Variants in SLC6A6 observed in about 807,000 individuals in gnomAD.
The protein encoded by SLC6A6 is sodium- and chloride-dependent taurine transporter.
Under a neutral mutation model 68.8 loss-of-function variants are expected in SLC6A6, and 16 were observed. The observed-to-expected ratio is 0.23, with a 90% CI of 0.16 to 0.35. The LOEUF (loss-of-function observed/expected upper bound fraction) is 0.35, where lower values mean the gene tolerates loss of function less well. Among genes scored for constraint, SLC6A6 ranks in the 10% least tolerant of loss-of-function variants. The pLI is 1.00. For missense variants in SLC6A6, 474 were observed against 802.8 expected (o/e 0.59, Z 4.95); for synonymous variants, 312 against 315.4 (o/e 0.99, Z 0.12).
chr3:14,480,490 T>C (rs1309293060), intron 13 of SLC6A6, among the ~76,000 whole-genome samples: 1 of 152,168 alleles, frequency 6.6e-6, no homozygotes, highest in African/African-American at 2.4e-5. Flanking sequence ...AAGCTCCTCC[T>C]GCTTGGGAGG....
chr3:14,482,343 C>T (rs1051074824), intron 14 of SLC6A6, among the ~76,000 whole-genome samples: 7 of 152,188 alleles, frequency 4.6e-5, no homozygotes, highest in South Asian at 2.1e-4. Flanking sequence ...GGGTCTTCTC[C>T]GGATCTGTGG....
intron 2 of SLC6A6, among the ~76,000 whole-genome samples, chr3:14,422,546 C>G (rs976060013): frequency 1.3e-5 from 2 of 152,118 alleles, no homozygotes; most frequent in Non-Finnish European, 2.9e-5. Flanking sequence ...AGCATAGGGC[C>G]GGTGTCCAGG....
intron 6 of SLC6A6, among the ~76,000 whole-genome samples, chr3:14,459,690 A>G (rs749481076): frequency 1.3e-5 from 2 of 152,066 alleles, no homozygotes; most frequent in African/African-American, 2.4e-5. Context: ...CAAGCACACC[A>G]TTTTATTCCT....
At chr3:14,460,402 G>A (rs191035066) in intron 6 of SLC6A6, among the ~76,000 whole-genome samples, 4 of 152,164 alleles carry the variant, frequency 2.6e-5, no homozygotes, top group African/African-American at 7.2e-5. Context: ...GAATAGGGTG[G>A]CCAGGCAAGA....
chr3:14,483,495 C>T (rs532267897), intron 14 of SLC6A6, among the ~76,000 whole-genome samples: 1 of 152,256 alleles, frequency 6.6e-6, no homozygotes, highest in Admixed American at 6.5e-5. Context: ...GTTTGACTCT[C>T]CTCCGCCCTC....
At position 14,468,083 on chromosome 3, in the gene SLC6A6, C is replaced by T; in HGVS notation, c.972-5C>T. The T allele has an allele frequency of 6.2e-7, 1 of 1,614,178 alleles. No homozygotes were observed. Among genetic ancestry groups the T allele is most frequent in the Non-Finnish European group, 8.5e-7 (1 of 1,180,042 alleles). On this transcript the variant is annotated splice_polypyrimidine_tract_variant and splice_region_variant and intron_variant, in intron 8 of 14. Transcript: ENST00000622186. This position sits in a 1 kb window ranked among gnomAD's most constrained non-coding sequence, Gnocchi z 4.5. ...AACTTGCTCCCTGACATATGTGTAACTTAGGGACTGTATGCTGCTGGGATG... is the reference window on the plus strand; with the variant it reads ...AACTTGCTCCCTGACATATGTGTAATTTAGGGACTGTATGCTGCTGGGATG...
chr3:14,405,252 G>A (rs1699080741), intron 1 of SLC6A6, among the ~76,000 whole-genome samples: 2 of 152,122 alleles, frequency 1.3e-5, no homozygotes, highest in Non-Finnish European at 2.9e-5. Context: ...TCCCTTCCTT[G>A]TGCCTTCCCC....
In SLC6A6 at chr3:14,423,148, TG is replaced by T. The variant is rs572061976; in HGVS notation, c.-12+6696del. ...TAATGGGCATTTGCTTTGGAAAAAC[TG>T]TAGAGGAACCCAGAGGACTTCAAAA... On this transcript the variant is annotated intron_variant, in intron 2 of 14. Transcript: ENST00000622186. Among the ~76,000 whole-genome samples the T allele has an allele frequency of 3.0e-3, 454 of 152,292 alleles. 2 individuals are homozygous for T. Among genetic ancestry groups the T allele is most frequent in the African/African-American group, 0.011 (437 of 41,562 alleles).
intron 7 of SLC6A6, 139 bp from the exon 8 acceptor site, chr3:14,467,714 G>C: frequency 1.6e-6 from 1 of 609,544 alleles, no homozygotes; most frequent in Non-Finnish European, 2.9e-6. Flanking sequence ...CCTTGGATTC[G>C]AGCATAAATG....
chr3:14,403,407 G>T (rs1319222065), intron 1 of SLC6A6, among the ~76,000 whole-genome samples: 2 of 152,150 alleles, frequency 1.3e-5, no homozygotes, highest in Non-Finnish European at 2.9e-5. Flanking sequence ...CTAGGTGCAC[G>T]TGCGTGTCCC....
chr3:14,472,478 A>AAAAGCT lies in SLC6A6; in HGVS notation c.1209+162_1209+167dup, dbSNP rs1379717609. 2.0e-5 allele frequency among the ~76,000 whole-genome samples: 3 copies of AAAAGCT among 152,196 alleles called. No homozygotes were observed. The highest frequency in any genetic ancestry group is 4.4e-5 in the Non-Finnish European group (3 of 68,034). ...GTTCCTCCAGGACACCAGGAATAGA[A>AAAAGCT]AAAGCTCTGCGTCCCCAGAAAGTGC... On this transcript the variant is annotated intron_variant, in intron 10 of 14. Transcript: ENST00000622186. The surrounding 1 kb of genome is among the most constrained non-coding windows in gnomAD (Gnocchi z 4.5).
intron 13 of SLC6A6, among the ~76,000 whole-genome samples, chr3:14,480,137 C>T (rs1407607581): frequency 1.3e-5 from 2 of 152,206 alleles, no homozygotes; most frequent in Non-Finnish European, 2.9e-5. Context: ...TGAAGGAGGA[C>T]CCCGGTGGCA....
intron 2 of SLC6A6, among the ~76,000 whole-genome samples, chr3:14,442,808 C>T (rs887548481): frequency 6.6e-6 from 1 of 152,164 alleles, no homozygotes; most frequent in African/African-American, 2.4e-5. Context: ...AGCCGGAGGG[C>T]AAGGGAACCT....
chr3:14,410,232 C>T (rs868764531), intron 1 of SLC6A6, among the ~76,000 whole-genome samples: 5 of 152,038 alleles, frequency 3.3e-5, no homozygotes, highest in South Asian at 4.2e-4. Context: ...CTGTGCTCCC[C>T]CCTCCCAGCC....
intron 1 of SLC6A6, among the ~76,000 whole-genome samples, chr3:14,410,176 C>CAA (rs145587348): frequency 0.012 from 698 of 60,542 alleles, 21 homozygotes; most frequent in African/African-American, 0.032. Flanking sequence ...GACTCCATCT[C>CAA]AAAAAAAAAA....
chr3:14,437,655 T>C (rs1699887836), intron 2 of SLC6A6, among the ~76,000 whole-genome samples: 1 of 152,140 alleles, frequency 6.6e-6, no homozygotes, highest in South Asian at 2.1e-4. Flanking sequence ...TTTTCAAGTA[T>C]ACAATATGTT....
At chr3:14,440,329 G>T (rs746267865) in intron 2 of SLC6A6, among the ~76,000 whole-genome samples, 2 of 152,074 alleles carry the variant, frequency 1.3e-5, no homozygotes, top group Non-Finnish European at 2.9e-5. Context: ...CTGGCAGGGA[G>T]CCAGGGGGCT....
At chr3:14,414,874 T>C (rs930162207) in intron 1 of SLC6A6, among the ~76,000 whole-genome samples, 27 of 152,186 alleles carry the variant, frequency 1.8e-4, no homozygotes, top group Non-Finnish European at 2.4e-4. Context: ...CCTCTTGTAA[T>C]TGGTAAGGTT....
At position 14,472,895 on chromosome 3, in the gene SLC6A6, T is replaced by C. The variant is rs1312048769; in HGVS notation, c.1209+578T>C. 6.6e-6 allele frequency among the ~76,000 whole-genome samples: 1 copy of C among 152,254 alleles called. No homozygotes were observed. Among genetic ancestry groups the C allele is most frequent in the African/African-American group, 2.4e-5 (1 of 41,470 alleles). On this transcript the variant is annotated intron_variant, in intron 10 of 14. Coordinates refer to ENST00000622186, the MANE Select transcript of SLC6A6 (RefSeq NM_003043.6). This position sits in a 1 kb window ranked among gnomAD's most constrained non-coding sequence, Gnocchi z 4.5. ...GGCATTGGCTCCCTCCCGTGCTTTATACACCGCACAGGCCGGGAGCCTCGC... is the reference window on the plus strand; with the variant it reads ...GGCATTGGCTCCCTCCCGTGCTTTACACACCGCACAGGCCGGGAGCCTCGC...
Sources: allele counts gnomAD v4.1 joint callset (sites outside exome capture counted in the v4.1 genomes callset), GRCh38; gene constraint gnomAD v4.1.1; non-coding constraint Gnocchi (gnomAD v3.1); transcripts MANE v1.5; gene names NCBI Gene and HGNC (gene_info 2026-07-23, HGNC 2026-07-21).